The following EPHX2 variants were observed in gnomAD, a reference collection of about 807,000 sequenced individuals.
The protein encoded by EPHX2 is epoxide hydrolase 2.
In EPHX2, 74 loss-of-function variants were observed where a neutral mutation model predicts 78.7. The observed-to-expected ratio is 0.94, with a 90% CI of 0.78 to 1.14. The LOEUF is 1.14. EPHX2 is among the 50% of genes most tolerant of loss of function. The probability of loss-of-function intolerance (pLI) is 0.00; values close to 1 mark genes in which losing one functional copy is unlikely to be tolerated. For missense variants in EPHX2, 715 were observed against 702.5 expected (o/e 1.02, Z -0.20); for synonymous variants, 251 against 255.2 (o/e 0.98, Z 0.16).
downstream of EPHX2, among the ~76,000 whole-genome samples, chr8:27,546,533 A>G (rs1359709645): frequency 6.6e-6 from 1 of 152,208 alleles, no homozygotes; most frequent in Admixed American, 6.5e-5. Flanking sequence ...AGATCACATT[A>G]TTTTCCTAAC....
chr8:27,541,673 T>C (rs903000815), intron 16 of EPHX2, 131 bp downstream of exon 16: 1 of 909,364 alleles, frequency 1.1e-6, no homozygotes. Flanking sequence ...TCCTTTCCCT[T>C]TGGGGTTTGG....
intron 11 of EPHX2, 92 bp from the exon 12 acceptor site, chr8:27,525,270 T>G: frequency 1.3e-5 from 14 of 1,102,478 alleles, no homozygotes; most frequent in Non-Finnish European, 1.7e-5. Context: ...GTTCCCACTC[T>G]GAGCTTCAGT....
chr8:27,515,778 G>A lies in EPHX2; in HGVS notation c.796G>A (p.Gly266Arg), dbSNP rs201904403. ...GSGPAVCLCH[G>R]FPESWYSWRY... ...CGGCCCTGCTGTGTGCCTCTGCCAT[G>A]GATTTCCCGAGAGTTGGTATTCTTG... The change falls in exon 7 of 19, where the codon GGA (glycine) becomes AGA (arginine). Residue 266 changes from glycine (G) to arginine (R), a missense_variant. Physicochemically the swap from Gly to Arg is moderately radical, Grantham distance 125. Transcript: ENST00000521400. 10 of 1,614,078 alleles carry A rather than the reference G, an allele frequency of 6.2e-6. No individual in the cohort carries two copies. The East Asian group carries it at 1.8e-4, about 29-fold the overall frequency.
chr8:27,502,211 G>A (rs1813825362), intron 2 of EPHX2, among the ~76,000 whole-genome samples: 1 of 152,164 alleles, frequency 6.6e-6, no homozygotes, highest in South Asian at 2.1e-4. Context: ...TTTGCGTCTG[G>A]CATCTTTTGC....
intron 2 of EPHX2, among the ~76,000 whole-genome samples, chr8:27,501,542 T>TA (rs1217308568): frequency 6.6e-6 from 1 of 152,056 alleles, no homozygotes; most frequent in South Asian, 2.1e-4. Flanking sequence ...TAGCTGGGAT[T>TA]ACAGGCACAC....
chr8:27,501,330 CTTCTTCT>C (rs1813766306), intron 2 of EPHX2, among the ~76,000 whole-genome samples: 4 of 54,026 alleles, frequency 7.4e-5, no homozygotes, highest in African/African-American at 3.8e-4. Context: ...ATATTTTCTT[CTTCTTCT>C]TCTTCTTCTT....
intron 1 of EPHX2, among the ~76,000 whole-genome samples, chr8:27,496,346 C>T (rs141672410): frequency 0.02 from 3,014 of 152,242 alleles, 93 homozygotes; most frequent in African/African-American, 0.07. Flanking sequence ...AGTGCCTGAC[C>T]AAACAGATGA....
intron 13 of EPHX2, among the ~76,000 whole-genome samples, chr8:27,537,744 C>G (rs1200146689): frequency 6.6e-6 from 1 of 151,964 alleles, no homozygotes; most frequent in East Asian, 1.9e-4. Flanking sequence ...TAAGTATATT[C>G]ATTTCTAATT....
chr8:27,546,093 C>T (rs903501353), downstream of EPHX2, among the ~76,000 whole-genome samples: 16 of 149,472 alleles, frequency 1.1e-4, no homozygotes, highest in Non-Finnish European at 2.2e-4. Flanking sequence ...CGCGCCACTG[C>T]ACTCCAGCCT....
chr8:27,522,374 C>T (rs201960920), intron 10 of EPHX2, 49 bp from the exon 11 acceptor site: 409 of 1,594,668 alleles, frequency 2.6e-4, no homozygotes, highest in Non-Finnish European at 3.2e-4. Context: ...CTCAGCACCC[C>T]GTTCCAGAAG....
At chr8:27,515,366 C>G (rs1814408473) in intron 6 of EPHX2, 2 of 275,846 alleles carry the variant, frequency 7.3e-6, no homozygotes, top group Admixed American at 9.4e-5. Context: ...AGTATCAGCC[C>G]CCTGTTTAAT....
At chr8:27,491,960 T>C (rs1813396386) in intron 1 of EPHX2, among the ~76,000 whole-genome samples, 3 of 152,004 alleles carry the variant, frequency 2.0e-5, no homozygotes, top group Admixed American at 2.0e-4. Flanking sequence ...GTGTTTTTTT[T>C]TTTTGTAGTT....
intron 1 of EPHX2, among the ~76,000 whole-genome samples, chr8:27,496,859 A>G (rs745309307): frequency 3.9e-5 from 6 of 152,190 alleles, no homozygotes; most frequent in Non-Finnish European, 7.4e-5. Flanking sequence ...TTCCCTCCTC[A>G]AGTAGGGGAC....
chr8:27,507,037 G>C, intron 5 of EPHX2, 43 bp downstream of exon 5: 2 of 1,605,412 alleles, frequency 1.2e-6, no homozygotes, highest in Non-Finnish European at 1.7e-6. Flanking sequence ...GGACTCATCT[G>C]TGGTTTCTGG....
chr8:27,532,162 C>T (rs1035684487), intron 12 of EPHX2, among the ~76,000 whole-genome samples: 3 of 152,032 alleles, frequency 2.0e-5, no homozygotes, highest in African/African-American at 7.2e-5. Context: ...GCCTGGGCCC[C>T]CTGAGCCCAG....
chr8:27,540,706 G>C, intron 15 of EPHX2, 50 bp downstream of exon 15: 1 of 1,562,100 alleles, frequency 6.4e-7, no homozygotes, highest in Non-Finnish European at 8.8e-7. Context: ...TCGACAGATA[G>C]GGATCTTCAG....
chr8:27,518,349 T>C (rs1814532617), intron 9 of EPHX2, among the ~76,000 whole-genome samples: 1 of 152,254 alleles, frequency 6.6e-6, no homozygotes, highest in South Asian at 2.1e-4. Flanking sequence ...AGAGCCAGGT[T>C]GGAAGCCTGC....
chr8:27,548,288 T>C (rs1001370987), downstream of EPHX2, among the ~76,000 whole-genome samples: 1 of 152,218 alleles, frequency 6.6e-6, no homozygotes, highest in African/African-American at 2.4e-5. Context: ...CACATTACCA[T>C]CAATACAAAT....
rs770976715 is a variant in EPHX2, at chr8:27,501,021, A to C, written c.186+11A>C. The C allele has an allele frequency of 2.9e-5, 46 of 1,607,498 alleles. No individual in the cohort carries two copies. The highest frequency in any genetic ancestry group is 3.2e-5 in the Non-Finnish European group (38 of 1,174,796). ...ATCACACTTTCCCAGGTGAGGGGAC[A>C]TCACCACACAGAGCCCTTTGGATGA... On this transcript the variant is annotated intron_variant, in intron 2 of 18. Transcript: ENST00000521400.
Sources: gnomAD v4.1 joint callset for allele counts (sites outside exome capture counted in the v4.1 genomes callset) on GRCh38, gnomAD v4.1.1 for gene constraint, MANE v1.5 for transcripts, NCBI Gene and HGNC (gene_info 2026-07-23, HGNC 2026-07-21) for gene names.